Variants in PXK observed in about 807,000 individuals in gnomAD.
PXK encodes the protein PX domain containing serine/threonine kinase like, also known as PX domain-containing protein kinase-like protein.
PXK carries 35 observed loss-of-function variants against 84.7 expected under a neutral mutation model. The observed-to-expected ratio is 0.41, with a 90% confidence interval of 0.32 to 0.55. PXK has a LOEUF of 0.55. Among genes scored for constraint, PXK ranks in the 20% least tolerant of loss-of-function variants. PXK has a pLI of 0.21. For missense variants in PXK, 634 were observed against 699.7 expected, an observed-to-expected ratio of 0.91 and a Z score of 1.06; for synonymous variants, 253 against 260.8, an observed-to-expected ratio of 0.97 and a Z score of 0.29.
At chr3:58,423,093 A>G in intron 17 of PXK, 1 of 985,376 alleles carries the variant, frequency 1.0e-6, no homozygotes, top group South Asian at 4.7e-5. Context: ...TGCAGTCAAG[A>G]GACTCAGTTC....
At chr3:58,391,254 G>C in intron 6 of PXK, 34 bp downstream of exon 6, 1 of 1,534,818 alleles carries the variant, frequency 6.5e-7, no homozygotes, top group Non-Finnish European at 9.0e-7. Context: ...CTCCTTCAGT[G>C]ACTTTAGATG....
chr3:58,356,915 T>G (rs1239249386), intron 1 of PXK, among the ~76,000 whole-genome samples: 4 of 132,090 alleles, frequency 3.0e-5, no homozygotes, highest in African/African-American at 8.2e-5. Flanking sequence ...TTTTTTTTTT[T>G]GTTCACAGCA....
intron 1 of PXK, among the ~76,000 whole-genome samples, chr3:58,337,515 C>T (rs879587165): frequency 2.0e-5 from 3 of 151,930 alleles, no homozygotes; most frequent in Non-Finnish European, 2.9e-5. Context: ...CTTGCTCTGT[C>T]ACCCAGGCTA....
rs71311854 is a variant in PXK, at chr3:58,333,432, G to A, written c.102+342G>A. ...CACCTTGGACTAGGGGAGCAGGAAC[G>A]AGACCGCTCAGGACCATCCACTTCT... is the stretch of plus-strand genomic sequence containing the variant. On this transcript the variant is annotated intron_variant, in intron 1 of 17. Coordinates refer to ENST00000356151, the MANE Select transcript of PXK (RefSeq NM_017771.5). This position sits in a 1 kb window ranked among gnomAD's most constrained non-coding sequence, Gnocchi z 5.4. 27,450 of 364,940 alleles carry A rather than the reference G, an allele frequency of 0.075. 1,386 individuals carry two copies. The highest frequency in any genetic ancestry group is 0.14 in the Middle Eastern group (328 of 2,426). The allele number at this position is 364,940 out of a possible 1,614,324, so 22.6% of individuals were successfully genotyped here.
At chr3:58,350,201 C>T (rs563614942) in intron 1 of PXK, among the ~76,000 whole-genome samples, 1 of 152,220 alleles carries the variant, frequency 6.6e-6, no homozygotes, top group East Asian at 1.9e-4. Flanking sequence ...GCCTAATGTA[C>T]ATTATGGGGC....
intron 13 of PXK, 47 bp from the exon 14 acceptor site, chr3:58,408,877 C>A: frequency 7.1e-7 from 1 of 1,413,776 alleles, no homozygotes; most frequent in Non-Finnish European, 1.0e-6. Flanking sequence ...TTGGAAGTAT[C>A]TCCAGCCACC....
chr3:58,409,246 C>T lies in PXK; in HGVS notation c.1308+245C>T, dbSNP rs1301260422. 6.6e-6 allele frequency among the ~76,000 whole-genome samples: 1 copy of T among 152,148 alleles called. No individual in the cohort carries two copies. Among genetic ancestry groups the T allele is most frequent in the African/African-American group, 2.4e-5 (1 of 41,432 alleles). On this transcript the variant is annotated intron_variant, in intron 14 of 17. Coordinates refer to ENST00000356151, the MANE Select transcript of PXK (RefSeq NM_017771.5). The surrounding 1 kb of genome is among the most constrained non-coding windows in gnomAD (Gnocchi z 4.2). ...AGTCTGGGTTTCTGATCAGAGCATG[C>T]CGGCCGGTGATAGTTGCGGGCATGC...
chr3:58,376,152 C>T (rs1385379544), intron 3 of PXK, among the ~76,000 whole-genome samples: 1 of 152,100 alleles, frequency 6.6e-6, no homozygotes, highest in Non-Finnish European at 1.5e-5. Flanking sequence ...TGGTGGCTCA[C>T]GCCTGTAATT....
chr3:58,384,449 A>G (rs1308481257), intron 4 of PXK, among the ~76,000 whole-genome samples: 1 of 150,974 alleles, frequency 6.6e-6, no homozygotes, highest in Non-Finnish European at 1.5e-5. Flanking sequence ...CAAATGGAGC[A>G]GTGAGTTGTT....
intron 1 of PXK, among the ~76,000 whole-genome samples, chr3:58,342,139 C>T (rs910630615): frequency 1.3e-5 from 2 of 152,032 alleles, no homozygotes; most frequent in African/African-American, 4.8e-5. Flanking sequence ...CAAGAAACAA[C>T]TAAGTTCTAT....
rs1293707705 is a variant in PXK at position 58,414,649 on chromosome 3, C to T, written c.1528+1686C>T. On this transcript the variant is annotated intron_variant, in intron 17 of 17. Coordinates refer to ENST00000356151, the MANE Select transcript of PXK (RefSeq NM_017771.5). This position sits in a 1 kb window ranked among gnomAD's most constrained non-coding sequence, Gnocchi z 4.5. ...GTCTTGAGGATTTAGAAGGAAAGCA[C>T]ATGTGAGGCCCCAGCACAATGCCTG... 6.7e-6 allele frequency: 1 copy of T among 150,192 alleles called. No homozygotes were observed. The highest frequency in any genetic ancestry group is 1.5e-5 in the Non-Finnish European group (1 of 66,952). 9.3% of individuals were successfully genotyped at this position (150,192 alleles called of 1,614,324 possible).
chr3:58,395,982 C>G (rs1487752307), intron 9 of PXK, among the ~76,000 whole-genome samples: 4 of 152,222 alleles, frequency 2.6e-5, no homozygotes, highest in Admixed American at 2.6e-4. Flanking sequence ...AATTTAGTGT[C>G]TGAGTTTTAA....
chr3:58,339,876 G>A (rs913975593), intron 1 of PXK, among the ~76,000 whole-genome samples: 8 of 151,580 alleles, frequency 5.3e-5, no homozygotes, highest in African/African-American at 1.2e-4. Flanking sequence ...GTGCAATGGC[G>A]CGATCTCGGC....
intron 3 of PXK, among the ~76,000 whole-genome samples, chr3:58,377,179 CGTA>C (rs1300782418): frequency 2.6e-5 from 4 of 151,800 alleles, no homozygotes; most frequent in Non-Finnish European, 4.4e-5. Flanking sequence ...GACATATTTT[CGTA>C]ATTATATTTG....
rs2098356692 is a variant in PXK at position 58,370,771 on chromosome 3, G to C, written c.201+1293G>C. ...CCCAGCACTTTGGGAGGCTGAGGCG[G>C]GTGGATCACCTGAGGTCAGGAGTTC... On this transcript the variant is annotated intron_variant, in intron 3 of 17. Transcript: ENST00000356151. This position sits in a 1 kb window ranked among gnomAD's most constrained non-coding sequence, Gnocchi z 4.2. Among the ~76,000 whole-genome samples, 1 of 152,182 alleles carries C rather than the reference G, an allele frequency of 6.6e-6. No individual in the cohort carries two copies. Among genetic ancestry groups the C allele is most frequent in the Non-Finnish European group, 1.5e-5 (1 of 68,038 alleles).
intron 16 of PXK, among the ~76,000 whole-genome samples, chr3:58,410,442 G>A (rs991515002): frequency 5.3e-5 from 8 of 152,218 alleles, no homozygotes; most frequent in Admixed American, 1.3e-4. Flanking sequence ...GTCATGGAAG[G>A]AAAACAGACC....
intron 1 of PXK, among the ~76,000 whole-genome samples, chr3:58,351,863 G>C (rs1276312170): frequency 6.6e-6 from 1 of 152,082 alleles, no homozygotes; most frequent in Admixed American, 6.6e-5. Flanking sequence ...TTCTGTGCTT[G>C]CTGATTAGAG....
intron 8 of PXK, 107 bp from the exon 9 acceptor site, chr3:58,395,551 A>G (rs1560056441): frequency 5.0e-6 from 4 of 802,862 alleles, no homozygotes; most frequent in Admixed American, 4.9e-5. Context: ...GCAGCTGGCC[A>G]TCTCTGGCGC....
At chr3:58,388,523 A>G (rs1352650629) in intron 4 of PXK, among the ~76,000 whole-genome samples, 1 of 152,226 alleles carries the variant, frequency 6.6e-6, no homozygotes, top group South Asian at 2.1e-4. Context: ...TTATATTAAC[A>G]TGAATTATAG....
Sources: allele counts gnomAD v4.1 joint callset (sites outside exome capture counted in the v4.1 genomes callset), GRCh38; gene constraint gnomAD v4.1.1; non-coding constraint Gnocchi (gnomAD v3.1); transcripts MANE v1.5; gene names NCBI Gene and HGNC (gene_info 2026-07-23, HGNC 2026-07-21).